IL7: variants seen among roughly 807,000 people sequenced by gnomAD.
IL7 encodes the protein interleukin-7.
A neutral mutation model predicts 21.6 loss-of-function variants in IL7; 3 were observed. That is an observed-to-expected ratio of 0.14 (90% CI 0.06 to 0.36). IL7 has a LOEUF of 0.36. Among genes scored for constraint, IL7 ranks in the 10% least tolerant of loss-of-function variants. The pLI is 1.00. For missense variants in IL7, 175 were observed against 200.2 expected, an observed-to-expected ratio of 0.87 and a Z score of 0.76; for synonymous variants, 62 against 68.1, an observed-to-expected ratio of 0.91 and a Z score of 0.44.
chr8:78,785,209 A>G (rs1204723721), intron 2 of IL7, among the ~76,000 whole-genome samples: 1 of 152,134 alleles, frequency 6.6e-6, no homozygotes. Flanking sequence ...TATACTACCT[A>G]GCACTGTTCA....
intron 5 of IL7, 55 bp downstream of exon 5, chr8:78,736,419 T>A: frequency 9.6e-7 from 1 of 1,045,338 alleles, no homozygotes; most frequent in African/African-American, 1.6e-5. Flanking sequence ...AAATTAGGAA[T>A]TAAGTTGAGT....
intron 2 of IL7, among the ~76,000 whole-genome samples, chr8:78,748,981 G>A (rs1812074777): frequency 6.6e-6 from 1 of 152,136 alleles, no homozygotes; most frequent in South Asian, 2.1e-4. Context: ...AAAACATTAA[G>A]AGAAAAAGGT....
At chr8:78,682,955 C>T (rs1809836081) in intron 4 of IL7, among the ~76,000 whole-genome samples, 1 of 152,202 alleles carries the variant, frequency 6.6e-6, no homozygotes, top group African/African-American at 2.4e-5. Context: ...TGAGGGCAGT[C>T]ATTAAACCTT....
downstream of IL7, among the ~76,000 whole-genome samples, chr8:78,732,322 A>G (rs1205849590): frequency 2.6e-5 from 4 of 152,142 alleles, no homozygotes; most frequent in Non-Finnish European, 5.9e-5. Flanking sequence ...CTATACAGCT[A>G]TCGCACCAGT....
chr8:78,781,409 C>A (rs1255870385), intron 2 of IL7, among the ~76,000 whole-genome samples: 1 of 152,060 alleles, frequency 6.6e-6, no homozygotes, highest in Non-Finnish European at 1.5e-5. Flanking sequence ...CATGGCAGGC[C>A]TGGTGATGAC....
intron 4 of IL7, among the ~76,000 whole-genome samples, chr8:78,681,232 C>G (rs1196016006): frequency 2.0e-5 from 3 of 151,998 alleles, no homozygotes; most frequent in African/African-American, 7.3e-5. Flanking sequence ...CCTAAAACTT[C>G]TTGCAAATAG....
At chr8:78,744,002 C>T (rs1221385616) in intron 2 of IL7, among the ~76,000 whole-genome samples, 7 of 152,076 alleles carry the variant, frequency 4.6e-5, no homozygotes, top group Admixed American at 6.6e-5. Context: ...CCAGGTGGAA[C>T]GCACCTGCAG....
At chr8:78,686,562 A>G in intron 3 of IL7, 1 of 1,536,782 alleles carries the variant, frequency 6.5e-7, no homozygotes, top group Non-Finnish European at 8.8e-7. Context: ...AGGCCCTCAA[A>G]GAGGGTGGCA....
At chr8:78,726,370 C>A (rs140614415) in intron 3 of IL7, among the ~76,000 whole-genome samples, 1 of 151,826 alleles carries the variant, frequency 6.6e-6, no homozygotes, top group East Asian at 1.9e-4. Context: ...GGTGAGAGCC[C>A]GGTACCTCTG....
chr8:78,783,486 T>A (rs1480740005), intron 2 of IL7, among the ~76,000 whole-genome samples: 1 of 152,152 alleles, frequency 6.6e-6, no homozygotes, highest in Non-Finnish European at 1.5e-5. Flanking sequence ...ACTTGCTGTT[T>A]TTGTTATTCT....
chr8:78,676,165 A>T (rs1319741644), intron 4 of IL7: 4 of 202,498 alleles, frequency 2.0e-5, no homozygotes, highest in African/African-American at 9.2e-5. Flanking sequence ...AGAAATAAGT[A>T]ATTATTTACA....
chr8:78,785,476 A>T (rs1813479613), intron 2 of IL7, among the ~76,000 whole-genome samples: 1 of 152,128 alleles, frequency 6.6e-6, no homozygotes, highest in Admixed American at 6.5e-5. Flanking sequence ...TCTAAAATGG[A>T]GGGAGTGCAT....
intron 2 of IL7, among the ~76,000 whole-genome samples, chr8:78,765,292 T>C (rs1402769385): frequency 1.3e-5 from 2 of 152,152 alleles, no homozygotes; most frequent in African/African-American, 2.4e-5. Context: ...TTAAATAAAA[T>C]ACCAAAGGCA....
chr8:78,718,854 CTT>C (rs1296647637), intron 6 of IL7: 2 of 151,524 alleles, frequency 1.3e-5, no homozygotes, highest in East Asian at 1.9e-4. Context: ...AAACAAATCT[CTT>C]ATATAATTCC....
intron 4 of IL7, among the ~76,000 whole-genome samples, chr8:78,677,708 A>G (rs921930559): frequency 2.0e-5 from 3 of 152,032 alleles, no homozygotes; most frequent in African/African-American, 7.2e-5. Flanking sequence ...TTAGTGTTAC[A>G]GGGCAGATAA....
At chr8:78,732,134 C>T (rs1811436623), downstream of IL7, among the ~76,000 whole-genome samples, 2 of 152,018 alleles carry the variant, frequency 1.3e-5, no homozygotes, top group African/African-American at 2.4e-5. Flanking sequence ...AGGAGCATAA[C>T]CTACTTAGAA....
chr8:78,740,104 A>C (rs1445918090), intron 2 of IL7, 22 bp from the exon 3 acceptor site: 1 of 1,371,558 alleles, frequency 7.3e-7, no homozygotes, highest in East Asian at 2.7e-5. Context: ...AACATAAAAT[A>C]ATATGGTTAA....
At position 78,693,166 on chromosome 8, in the gene IL7, A is replaced by G. The variant is rs557314846; in HGVS notation, n.215-7219T>C. On this transcript the variant is annotated intron_variant and non_coding_transcript_variant, in intron 3 of 4. Transcript: ENST00000523959. The stretch of plus-strand genomic sequence containing the variant: ...TTTGGGTTGGTTCCAAGTCTTTGCT[A>G]TTGTGAATAGTGCCGCAATAAACAT... Among the ~76,000 whole-genome samples, 114 of 152,204 alleles carry G rather than the reference A, an allele frequency of 7.5e-4. 1 individual carries two copies. The highest frequency in any genetic ancestry group is 2.6e-3 in the African/African-American group (109 of 41,488).
chr8:78,688,454 T>C (rs1458478264), intron 3 of IL7, among the ~76,000 whole-genome samples: 1 of 152,186 alleles, frequency 6.6e-6, no homozygotes, highest in Non-Finnish European at 1.5e-5. Context: ...GGGCAAACTC[T>C]GTATCAAAAA....
Sources: gnomAD v4.1 joint callset for allele counts (sites outside exome capture counted in the v4.1 genomes callset) on GRCh38, gnomAD v4.1.1 for gene constraint, MANE v1.5 for transcripts, NCBI Gene and HGNC (gene_info 2026-07-23, HGNC 2026-07-21) for gene names.